The following CDK19 variants were observed in gnomAD, a reference collection of about 807,000 sequenced individuals.
CDK19 encodes cyclin dependent kinase 19.
CDK19 carries 20 observed loss-of-function variants against 68.3 expected under a neutral mutation model. The observed-to-expected ratio is 0.29, with a 90% CI of 0.21 to 0.43. The LOEUF (loss-of-function observed/expected upper bound fraction) is 0.43. CDK19 is among the 20% of genes least tolerant of loss of function. The pLI is 1.00. For synonymous variants in CDK19, 221 were observed against 222.8 expected, an observed-to-expected ratio of 0.99 and a Z score of 0.07; for missense variants, 339 against 623.5, an observed-to-expected ratio of 0.54 and a Z score of 4.86.
intron 1 of CDK19, among the ~76,000 whole-genome samples, chr6:110,790,910 G>A (rs987695827): frequency 7.9e-5 from 12 of 152,122 alleles, no homozygotes; most frequent in Non-Finnish European, 1.3e-4. Context: ...GGTGGCTCAC[G>A]CCTGTAATCC....
chr6:110,748,539 A>T (rs1245681873), intron 1 of CDK19, among the ~76,000 whole-genome samples: 1 of 152,252 alleles, frequency 6.6e-6, no homozygotes, highest in Non-Finnish European at 1.5e-5. Context: ...TTCTCTTTGT[A>T]AACTAACTGT....
chr6:110,712,394 T>C (rs1265276211), intron 2 of CDK19, among the ~76,000 whole-genome samples: 1 of 152,230 alleles, frequency 6.6e-6, no homozygotes, highest in African/African-American at 2.4e-5. Context: ...AGTCTATATG[T>C]TCTACGTTGG....
At chr6:110,727,736 G>C (rs1456774915) in intron 2 of CDK19, among the ~76,000 whole-genome samples, 2 of 151,878 alleles carry the variant, frequency 1.3e-5, no homozygotes, top group African/African-American at 4.8e-5. Flanking sequence ...ACTTTGGAAG[G>C]CCAAGGCAGG....
At chr6:110,800,160 T>C (rs1782248875) in intron 1 of CDK19, among the ~76,000 whole-genome samples, 1 of 152,194 alleles carries the variant, frequency 6.6e-6, no homozygotes, top group Non-Finnish European at 1.5e-5. Context: ...CATTATACTT[T>C]AAAAATTGGG....
chr6:110,628,014 AT>A (rs1393487981), intron 6 of CDK19, among the ~76,000 whole-genome samples: 1 of 152,122 alleles, frequency 6.6e-6, no homozygotes, highest in Non-Finnish European at 1.5e-5. Context: ...GTTCGAGACC[AT>A]CCTGACCAAC....
chr6:110,676,879 A>T (rs1488319159), intron 2 of CDK19, among the ~76,000 whole-genome samples: 6 of 152,198 alleles, frequency 3.9e-5, no homozygotes, highest in African/African-American at 1.4e-4. Flanking sequence ...CAAACTTGCA[A>T]TATCTCTAAA....
At chr6:110,760,720 C>G (rs533806776) in intron 1 of CDK19, among the ~76,000 whole-genome samples, 16 of 152,272 alleles carry the variant, frequency 1.1e-4, no homozygotes, top group African/African-American at 3.8e-4. Context: ...AGGGCGAGAC[C>G]TTGTCTCAAA....
At chr6:110,734,212 G>A (rs1776999678) in intron 2 of CDK19, among the ~76,000 whole-genome samples, 3 of 152,050 alleles carry the variant, frequency 2.0e-5, no homozygotes, top group Admixed American at 2.0e-4. Context: ...GTTTCGCCAT[G>A]TTGCCTAGGC....
chr6:110,626,487 G>A (rs1002202971), intron 8 of CDK19, among the ~76,000 whole-genome samples: 17 of 152,160 alleles, frequency 1.1e-4, no homozygotes, highest in African/African-American at 4.1e-4. Context: ...CCAGAATTGA[G>A]GGCTTTGCTT....
At chr6:110,797,713 A>C (rs1782036365) in intron 1 of CDK19, among the ~76,000 whole-genome samples, 1 of 152,196 alleles carries the variant, frequency 6.6e-6, no homozygotes. Context: ...GGCAGGGCGC[A>C]GTGGCGCACA....
chr6:110,788,159 G>T (rs565603558), intron 1 of CDK19, among the ~76,000 whole-genome samples: 83 of 149,724 alleles, frequency 5.5e-4, no homozygotes, highest in Non-Finnish European at 7.7e-4. Context: ...TTTTTTTGTT[G>T]TTGTTGTTTG....
At chr6:110,617,774 T>C (rs972312003) in intron 12 of CDK19, among the ~76,000 whole-genome samples, 6 of 139,462 alleles carry the variant, frequency 4.3e-5, no homozygotes, top group Non-Finnish European at 6.1e-5. Flanking sequence ...TGAGAATCAC[T>C]TGAACCCAGG....
At chr6:110,660,670 T>C (rs1461555099) in intron 4 of CDK19, among the ~76,000 whole-genome samples, 2 of 152,124 alleles carry the variant, frequency 1.3e-5, no homozygotes, top group Non-Finnish European at 2.9e-5. Flanking sequence ...CCAACTAGAC[T>C]CTTCTCCAAA....
chr6:110,625,260 G>A (rs1779015521), intron 8 of CDK19, among the ~76,000 whole-genome samples: 1 of 152,012 alleles, frequency 6.6e-6, no homozygotes, highest in Non-Finnish European at 1.5e-5. Context: ...AGGTCTCCAG[G>A]TGATTTGTAG....
At chr6:110,661,064 A>G (rs1384729288) in intron 4 of CDK19, among the ~76,000 whole-genome samples, 3 of 152,160 alleles carry the variant, frequency 2.0e-5, no homozygotes, top group Admixed American at 1.3e-4. Flanking sequence ...TGTGGACTAT[A>G]CCTAATAACT....
intron 2 of CDK19, among the ~76,000 whole-genome samples, chr6:110,732,280 T>G (rs1402636522): frequency 6.6e-6 from 1 of 151,970 alleles, no homozygotes; most frequent in Admixed American, 6.6e-5. Flanking sequence ...TGGATCACTT[T>G]AGGTTAGGAA....
intron 2 of CDK19, among the ~76,000 whole-genome samples, chr6:110,712,876 A>G (rs1196022232): frequency 6.6e-6 from 1 of 152,174 alleles, no homozygotes; most frequent in Non-Finnish European, 1.5e-5. Flanking sequence ...ATGGCAGGGA[A>G]AGTGTAAACA....
At position 110,730,998 on chromosome 6, in the gene CDK19, G is replaced by A. The variant is rs1253360897; in HGVS notation, c.204+15128C>T. Among the ~76,000 whole-genome samples the A allele has an allele frequency of 2.6e-5, 4 of 151,898 alleles. No homozygotes were observed. In the East Asian group the frequency reaches 7.7e-4, roughly 29 times the overall value. ...ACCTGGGAGGCAGAGGTTGCAGTGA[G>A]CTGAGATAGCACCATTGCACTCCAG... On this transcript the variant is annotated intron_variant, in intron 2 of 12. Coordinates refer to ENST00000368911, the MANE Select transcript of CDK19 (RefSeq NM_015076.5).
intron 2 of CDK19, 63 bp downstream of exon 2, chr6:110,746,063 A>G: frequency 2.5e-6 from 2 of 799,344 alleles, no homozygotes; most frequent in Non-Finnish European, 1.9e-6. Flanking sequence ...AAACTTTTAT[A>G]TTAAAATAAA....
Sources: allele counts gnomAD v4.1 joint callset (sites outside exome capture counted in the v4.1 genomes callset), GRCh38; gene constraint gnomAD v4.1.1; transcripts MANE v1.5; gene names NCBI Gene and HGNC (gene_info 2026-07-23, HGNC 2026-07-21).